EYA2: variants seen among roughly 807,000 people sequenced by gnomAD.
EYA2 encodes protein phosphatase EYA2.
A neutral mutation model predicts 69.2 loss-of-function variants in EYA2; 31 were observed. That is an observed-to-expected ratio of 0.45 (90% confidence interval 0.34 to 0.60). The LOEUF is 0.60. Among genes scored for constraint, EYA2 ranks in the 20% least tolerant of loss-of-function variants. The probability of loss-of-function intolerance (pLI) is 0.02; values close to 1 mark genes in which losing one functional copy is unlikely to be tolerated. For missense variants in EYA2, 622 were observed against 701.2 expected, an observed-to-expected ratio of 0.89 and a Z score of 1.28; for synonymous variants, 257 against 279.4, an observed-to-expected ratio of 0.92 and a Z score of 0.80.
At chr20:47,009,045 A>G (rs772822648) in intron 4 of EYA2, among the ~76,000 whole-genome samples, 1 of 152,208 alleles carries the variant, frequency 6.6e-6, no homozygotes, top group Non-Finnish European at 1.5e-5. Context: ...ATAAAACTTT[A>G]TTTACACAAA....
At chr20:47,125,884 G>GTT (rs3838024) in intron 9 of EYA2, among the ~76,000 whole-genome samples, 2 of 151,434 alleles carry the variant, frequency 1.3e-5, no homozygotes, top group Admixed American at 6.6e-5. Flanking sequence ...GTTTGTGTGT[G>GTT]TTTTTTTTTC....
intron 9 of EYA2, among the ~76,000 whole-genome samples, chr20:47,119,755 T>C (rs1179315161): frequency 6.6e-6 from 1 of 152,170 alleles, no homozygotes; most frequent in East Asian, 1.9e-4. Flanking sequence ...TGCACAACAT[T>C]GTACCCTAGA....
chr20:46,909,911 C>T (rs1271183057), intron 1 of EYA2, among the ~76,000 whole-genome samples: 2 of 145,390 alleles, frequency 1.4e-5, no homozygotes, highest in Non-Finnish European at 2.9e-5. Flanking sequence ...TTTTACTTTT[C>T]TCCTCAAACA....
chr20:46,900,751 A>C (rs1049119089), intron 1 of EYA2, among the ~76,000 whole-genome samples: 2 of 152,380 alleles, frequency 1.3e-5, no homozygotes, highest in Admixed American at 6.5e-5. Flanking sequence ...TTTCAGAGAT[A>C]TCCTTAGTCC....
At chr20:46,999,873 C>T (rs902227941) in intron 2 of EYA2, among the ~76,000 whole-genome samples, 1 of 152,200 alleles carries the variant, frequency 6.6e-6, no homozygotes, top group Admixed American at 6.5e-5. Flanking sequence ...TTAATGGCAT[C>T]GCGTGCTCAG....
At chr20:47,123,261 C>T (rs1270365022) in intron 9 of EYA2, among the ~76,000 whole-genome samples, 1 of 152,040 alleles carries the variant, frequency 6.6e-6, no homozygotes, top group Non-Finnish European at 1.5e-5. Context: ...GGGTAATTAA[C>T]ATATCCACCA....
intron 10 of EYA2, among the ~76,000 whole-genome samples, chr20:47,143,814 G>T (rs1344579947): frequency 6.6e-6 from 1 of 152,174 alleles, no homozygotes; most frequent in Admixed American, 6.5e-5. Context: ...GCAAAGCTAT[G>T]TCATGAATAA....
At chr20:47,093,946 T>G (rs892225770) in intron 8 of EYA2, among the ~76,000 whole-genome samples, 1 of 152,206 alleles carries the variant, frequency 6.6e-6, no homozygotes, top group Non-Finnish European at 1.5e-5. Context: ...ATGGCTAAAC[T>G]TGGCCACCAA....
intron 1 of EYA2, among the ~76,000 whole-genome samples, chr20:46,947,896 C>A (rs751772609): frequency 2.6e-5 from 4 of 152,088 alleles, no homozygotes; most frequent in Admixed American, 6.5e-5. Context: ...GTGGGAGGAT[C>A]TCTTAAAGCT....
intron 9 of EYA2, among the ~76,000 whole-genome samples, chr20:47,116,149 T>C (rs2146548423): frequency 6.6e-6 from 1 of 151,236 alleles, no homozygotes; most frequent in Admixed American, 6.6e-5. Context: ...TATTTGATTA[T>C]AGAATAACAT....
At chr20:46,898,044 C>G (rs942967408) in intron 1 of EYA2, among the ~76,000 whole-genome samples, 16 of 152,078 alleles carry the variant, frequency 1.1e-4, no homozygotes, top group African/African-American at 3.4e-4. Flanking sequence ...ACTGCCTGGC[C>G]TGACATAAAT....
chr20:47,143,003 A>G, intron 9 of EYA2, 56 bp from the exon 10 acceptor site: 1 of 1,524,240 alleles, frequency 6.6e-7, no homozygotes, highest in Non-Finnish European at 9.0e-7. Flanking sequence ...CCAAAAGGGT[A>G]GCTAAGATTC....
intron 4 of EYA2, among the ~76,000 whole-genome samples, chr20:47,007,506 G>T (rs549390812): frequency 6.6e-6 from 1 of 152,318 alleles, no homozygotes; most frequent in East Asian, 1.9e-4. Flanking sequence ...GGCCTCCGAG[G>T]CCCAGGAAAG....
At chr20:47,061,617 G>A (rs539345829) in intron 5 of EYA2, among the ~76,000 whole-genome samples, 10 of 152,152 alleles carry the variant, frequency 6.6e-5, no homozygotes, top group East Asian at 1.9e-4. Context: ...GTTCACCAAC[G>A]GCAGCCAGTC....
chr20:47,004,915 G>C (rs1472577349), intron 3 of EYA2, 27 bp from the exon 4 acceptor site: 2 of 1,614,092 alleles, frequency 1.2e-6, no homozygotes, highest in African/African-American at 2.7e-5. Flanking sequence ...TGGGCCTGGA[G>C]ATTTAATCTT....
At chr20:47,168,358 A>T (rs1312888121) in intron 10 of EYA2, among the ~76,000 whole-genome samples, 2 of 151,714 alleles carry the variant, frequency 1.3e-5, no homozygotes, top group African/African-American at 4.8e-5. Context: ...CGCCCAGCTA[A>T]TTTGTGTATT....
intron 1 of EYA2, among the ~76,000 whole-genome samples, chr20:46,918,586 G>A (rs753150590): frequency 2.0e-4 from 30 of 152,094 alleles, no homozygotes; most frequent in Admixed American, 2.0e-4. Flanking sequence ...GGATACAGAC[G>A]TGAGCCACCA....
chr20:46,936,805 A>G (rs1231309676), intron 1 of EYA2, among the ~76,000 whole-genome samples: 1 of 152,040 alleles, frequency 6.6e-6, no homozygotes, highest in Non-Finnish European at 1.5e-5. Flanking sequence ...ACTCCCCAGA[A>G]GGCCATCCCA....
intron 1 of EYA2, among the ~76,000 whole-genome samples, chr20:46,965,728 G>A (rs1037696489): frequency 3.3e-5 from 5 of 152,238 alleles, no homozygotes; most frequent in South Asian, 2.1e-4. Context: ...TGGGGTTGGC[G>A]CAGCCTTGCT....
Sources: allele counts gnomAD v4.1 joint callset (sites outside exome capture counted in the v4.1 genomes callset), GRCh38; gene constraint gnomAD v4.1.1; transcripts MANE v1.5; gene names NCBI Gene and HGNC (gene_info 2026-07-23, HGNC 2026-07-21).